ARHGEF37: variants seen among roughly 807,000 people sequenced by gnomAD.
ARHGEF37 encodes Rho guanine nucleotide exchange factor (GEF) 37.
A neutral mutation model predicts 71.1 loss-of-function variants in ARHGEF37; 55 were observed. The observed-to-expected ratio is 0.77, with a 90% CI of 0.62 to 0.97. The LOEUF (loss-of-function observed/expected upper bound fraction) is 0.97, where lower values mean the gene tolerates loss of function less well. Ranked by LOEUF, ARHGEF37 falls within the 50% of genes least tolerant of loss-of-function variation. ARHGEF37 has a pLI of 0.00. For synonymous variants in ARHGEF37, 327 were observed against 350.6 expected (o/e 0.93, Z 0.75); for missense variants, 765 against 836.8 (o/e 0.91, Z 1.06).
Position 149,614,435 on chromosome 5 carries a change from A to G in ARHGEF37, c.459-2132A>G, listed in dbSNP as rs147515945. Reference sequence around the variant, plus strand: ...TGCCTATCTGAAAAGCTGCATAAAAAAGTATTGTCCAAATTACCTTAGAAA... The same window carrying G: ...TGCCTATCTGAAAAGCTGCATAAAAGAGTATTGTCCAAATTACCTTAGAAA... On this transcript the variant is annotated intron_variant, in intron 4 of 12. Transcript: ENST00000333677. Among the ~76,000 whole-genome samples the G allele has an allele frequency of 1.2e-3, 187 of 152,212 alleles. 1 individual carries two copies. Among genetic ancestry groups the G allele is most frequent in the African/African-American group, 4.4e-3 (182 of 41,554 alleles).
chr5:149,592,959 G>A (rs1318572152), intron 1 of ARHGEF37, among the ~76,000 whole-genome samples: 4 of 152,114 alleles, frequency 2.6e-5, no homozygotes, highest in African/African-American at 9.6e-5. Flanking sequence ...TAGTAGAGAC[G>A]GGGTTTTGCC....
chr5:149,562,374 A>T (rs921664614), intron 1 of ARHGEF37, among the ~76,000 whole-genome samples: 1 of 152,202 alleles, frequency 6.6e-6, no homozygotes, highest in Non-Finnish European at 1.5e-5. Flanking sequence ...AACTGCAGCT[A>T]TTGTATCCAT....
At chr5:149,554,036 C>T (rs545053515) in intron 1 of ARHGEF37, among the ~76,000 whole-genome samples, 9 of 152,160 alleles carry the variant, frequency 5.9e-5, no homozygotes, top group South Asian at 4.1e-4. Context: ...GGCGTGGTGG[C>T]GCATGCCTGT....
intron 6 of ARHGEF37, among the ~76,000 whole-genome samples, chr5:149,618,649 G>A (rs1363563663): frequency 6.6e-6 from 1 of 152,188 alleles, no homozygotes; most frequent in Non-Finnish European, 1.5e-5. Flanking sequence ...AATGAAATAA[G>A]TGTTCCCACT....
At position 149,581,537 on chromosome 5, in the gene ARHGEF37, G is replaced by A. The variant is rs922218946; in HGVS notation, c.-99G>A. 2.0e-5 allele frequency: 3 copies of A among 152,050 alleles called. No homozygotes were observed. Among genetic ancestry groups the A allele is most frequent in the Admixed American group, 6.6e-5 (1 of 15,262 alleles). The allele number at this position is 152,050 out of a possible 1,614,324, so 9.4% of individuals were successfully genotyped here. A position where few individuals can be genotyped will look rare whatever the true frequency, so the allele number is the denominator to read the frequency against. On this transcript the variant is annotated 5_prime_UTR_variant, in exon 1 of 13. Coordinates refer to ENST00000333677, the MANE Select transcript of ARHGEF37 (RefSeq NM_001001669.3). The stretch of plus-strand genomic sequence containing the variant: ...GGAGCGGCGCGGGTGCCGGGAGCTG[G>A]GCGACGCGCCCCTCCTGCCCCGGCT...
chr5:149,622,692 G>C (rs1382424006), intron 9 of ARHGEF37, among the ~76,000 whole-genome samples: 4 of 152,180 alleles, frequency 2.6e-5, no homozygotes, highest in African/African-American at 9.7e-5. Context: ...CAACACTCAA[G>C]AGCCTGTAAA....
At chr5:149,552,966 C>T (rs1028436673) in intron 1 of ARHGEF37, among the ~76,000 whole-genome samples, 1 of 152,124 alleles carries the variant, frequency 6.6e-6, no homozygotes, top group African/African-American at 2.4e-5. Context: ...GAGACTTCCC[C>T]TGAAGTTTAG....
At chr5:149,619,172 C>T in intron 7 of ARHGEF37, 130 bp downstream of exon 7, 1 of 729,624 alleles carries the variant, frequency 1.4e-6, no homozygotes, top group Non-Finnish European at 2.5e-6. Context: ...GTCATCCTGT[C>T]TCATCTCTTC....
chr5:149,627,173 G>T lies in ARHGEF37; in HGVS notation c.1562G>T (p.Gly521Val), dbSNP rs1282224678. Reference protein sequence around the residue: ...YQVTSNISGTGTLDLTLPRGQ... With the variant: ...YQVTSNISGTVTLDLTLPRGQ... The stretch of plus-strand genomic sequence containing the variant: ...GTGACAAGCAACATCAGTGGGACTG[G>T]GACTCTGGACCTGACTCTGCCTCGG... Residue 521 changes from glycine to valine, a missense_variant, in exon 11 of 13, where the codon GGG (glycine) becomes GTG (valine). Coordinates refer to ENST00000333677, the MANE Select transcript of ARHGEF37 (RefSeq NM_001001669.3). The T allele has an allele frequency of 6.2e-7, 1 of 1,614,008 alleles. No individual in the cohort carries two copies. The highest frequency in any genetic ancestry group is 8.5e-7 in the Non-Finnish European group (1 of 1,180,054).
At chr5:149,617,839 C>T (rs981189886) in intron 5 of ARHGEF37, among the ~76,000 whole-genome samples, 26 of 152,186 alleles carry the variant, frequency 1.7e-4, no homozygotes, top group Non-Finnish European at 3.5e-4. Context: ...GCAAATCTCT[C>T]CTCCATGGGT....
chr5:149,598,327 T>TCTTCTTCTTCTTCTTTCTTCC (rs1763624399), intron 2 of ARHGEF37, among the ~76,000 whole-genome samples: 2 of 90,550 alleles, frequency 2.2e-5, no homozygotes, highest in African/African-American at 8.3e-5. Context: ...TTCTTCTTCT[T>TCTTCTTCTTCTTCTTTCTTCC]TCTTCCTCTT....
At chr5:149,584,151 T>A (rs1477445428) in intron 1 of ARHGEF37, among the ~76,000 whole-genome samples, 1 of 152,222 alleles carries the variant, frequency 6.6e-6, no homozygotes, top group Non-Finnish European at 1.5e-5. Context: ...AAACTTGTGA[T>A]GACAGAGCCT....
In ARHGEF37 at chr5:149,597,742, G is replaced by C. The variant is rs201369035; in HGVS notation, c.-11-17G>C. On this transcript the variant is annotated splice_polypyrimidine_tract_variant and intron_variant, in intron 1 of 12. Transcript: ENST00000333677. Reference sequence around the variant, plus strand: ...GTTCTTCCTGGAAGTGAGTGGGGATGCTTTTGCTTTTCCCAGAACCTGCTG... The same window carrying C: ...GTTCTTCCTGGAAGTGAGTGGGGATCCTTTTGCTTTTCCCAGAACCTGCTG... 73 of 1,515,096 alleles carry C rather than the reference G, an allele frequency of 4.8e-5. No individual in the cohort carries two copies. The highest frequency in any genetic ancestry group is 6.2e-5 in the Non-Finnish European group (70 of 1,135,058). 93.9% of individuals were successfully genotyped at this position (1,515,096 alleles called of 1,614,324 possible).
At position 149,601,247 on chromosome 5, in the gene ARHGEF37, AAG is replaced by A. The variant is rs1452384119; in HGVS notation, c.310+17_310+18del. ...CAGCTAGTTGGTAAGCAAAAAACCT[AAG>A]GAGTTGTCAGCCTTAGATTCTCATG... On this transcript the variant is annotated intron_variant, in intron 3 of 12. Transcript: ENST00000333677. 6.2e-7 allele frequency: 1 copy of A among 1,606,676 alleles called. No homozygotes were observed. Among genetic ancestry groups the A allele is most frequent in the African/African-American group, 1.3e-5 (1 of 74,906 alleles).
intron 4 of ARHGEF37, among the ~76,000 whole-genome samples, chr5:149,615,997 G>A (rs1157472472): frequency 6.6e-6 from 1 of 152,170 alleles, no homozygotes; most frequent in African/African-American, 2.4e-5. Flanking sequence ...AGCTGCGCTC[G>A]GGACATATCT....
intron 1 of ARHGEF37, among the ~76,000 whole-genome samples, chr5:149,588,950 C>G (rs535110653): frequency 4.5e-4 from 68 of 152,212 alleles, no homozygotes; most frequent in Non-Finnish European, 8.7e-4. Flanking sequence ...CAAAACTAGG[C>G]CAGGCTCAGT....
At chr5:149,603,161 G>T (rs1763810866) in intron 3 of ARHGEF37, among the ~76,000 whole-genome samples, 1 of 152,092 alleles carries the variant, frequency 6.6e-6, no homozygotes, top group African/African-American at 2.4e-5. Flanking sequence ...TCGAGCTCCT[G>T]ACCTCAGGTG....
At chr5:149,626,861 C>T (rs1580938149) in intron 10 of ARHGEF37, 1 of 411,730 alleles carries the variant, frequency 2.4e-6, no homozygotes, top group East Asian at 3.6e-5. Context: ...TTAGAGAATC[C>T]CAGAAATTAG....
At position 149,632,257 on chromosome 5, in the gene ARHGEF37, GA is replaced by G. The variant is rs1246002959; in HGVS notation, c.*70del. 4.5e-6 allele frequency: 7 copies of G among 1,553,252 alleles called. No individual in the cohort carries two copies. The African/African-American group carries it at 8.2e-5, about 18-fold the overall frequency. ...GGCTTAGAGGCTCTGACCCTGGGGG[GA>G]AAAGAAGCAAAGGAAAGGTGGAGGT... On this transcript the variant is annotated 3_prime_UTR_variant, in exon 13 of 13. Transcript: ENST00000333677.
Sources: gnomAD v4.1 joint callset for allele counts (sites outside exome capture counted in the v4.1 genomes callset) on GRCh38, gnomAD v4.1.1 for gene constraint, MANE v1.5 for transcripts, NCBI Gene and HGNC (gene_info 2026-07-23, HGNC 2026-07-21) for gene names.